The following PRELID2 variants were observed in gnomAD, a reference collection of about 807,000 sequenced individuals.
PRELID2 encodes the protein PRELI domain containing 2.
Under a neutral mutation model 28.4 loss-of-function variants are expected in PRELID2, and 25 were observed. The ratio of observed to expected loss-of-function variants is 0.88; its 90% CI spans 0.64 to 1.23. The LOEUF is 1.23. Among genes scored for constraint, PRELID2 ranks in the 50% most tolerant of loss-of-function variants. The pLI is 0.00. For missense variants in PRELID2, 201 were observed against 214.4 expected (o/e 0.94, Z 0.39); for synonymous variants, 76 against 71.6 (o/e 1.06, Z -0.31).
intron 1 of PRELID2, among the ~76,000 whole-genome samples, chr5:145,500,165 A>G (rs1682295550): frequency 6.6e-6 from 1 of 152,180 alleles, no homozygotes; most frequent in Non-Finnish European, 1.5e-5. Flanking sequence ...TGGAATTATA[A>G]TGCCCAGTGT....
At chr5:145,814,746 C>T (rs1754183149) in intron 4 of PRELID2, among the ~76,000 whole-genome samples, 1 of 151,694 alleles carries the variant, frequency 6.6e-6, no homozygotes, top group African/African-American at 2.4e-5. Flanking sequence ...TTCACAGCAA[C>T]CACAGTTCAC....
intron 4 of PRELID2, among the ~76,000 whole-genome samples, chr5:145,810,622 T>G (rs979743894): frequency 1.3e-5 from 2 of 152,234 alleles, no homozygotes; most frequent in Non-Finnish European, 2.9e-5. Context: ...TGTTTCTATA[T>G]TAAATACATT....
chr5:145,278,463 A>G, the PRELID2 span, among the ~76,000 whole-genome samples: 463 of 152,176 alleles, frequency 3.0e-3, 1 homozygote, highest in African/African-American at 0.011. Context: ...CAGGATGAGG[A>G]CCTCAGATTT....
chr5:145,437,609 A>G, the PRELID2 span, among the ~76,000 whole-genome samples: 1 of 152,110 alleles, frequency 6.6e-6, no homozygotes, highest in East Asian at 1.9e-4. Context: ...CTTTAGCTCA[A>G]AGGACACATA....
At chr5:145,320,121 T>C in the PRELID2 span, among the ~76,000 whole-genome samples, 1 of 152,254 alleles carries the variant, frequency 6.6e-6, no homozygotes, top group Admixed American at 6.5e-5. Flanking sequence ...CTGTTCCATT[T>C]AGTCTGGCTA....
the PRELID2 span, among the ~76,000 whole-genome samples, chr5:145,281,010 A>G: frequency 2.6e-5 from 4 of 152,262 alleles, no homozygotes; most frequent in East Asian, 7.7e-4. Context: ...TCAAATGTTG[A>G]AATCAGAATT....
intron 1 of PRELID2, among the ~76,000 whole-genome samples, chr5:145,710,779 TA>T (rs1425603933): frequency 6.6e-6 from 1 of 152,178 alleles, no homozygotes; most frequent in African/African-American, 2.4e-5. Flanking sequence ...GAATAAGGGA[TA>T]AAAAAGAAGG....
the PRELID2 span, among the ~76,000 whole-genome samples, chr5:145,388,355 TGAAAACATG>T: frequency 6.6e-6 from 1 of 152,210 alleles, no homozygotes; most frequent in Non-Finnish European, 1.5e-5. Flanking sequence ...AGGTAGCAAG[TGAAAACATG>T]GAAACACTGT....
the PRELID2 span, among the ~76,000 whole-genome samples, chr5:145,313,607 G>C: frequency 1.7e-4 from 26 of 152,172 alleles, no homozygotes; most frequent in Non-Finnish European, 3.2e-4. Flanking sequence ...GGCAGCAGAC[G>C]GACTGGAAGG....
intron 1 of PRELID2, among the ~76,000 whole-genome samples, chr5:145,520,424 C>A (rs1752553958): frequency 6.6e-6 from 1 of 152,172 alleles, no homozygotes; most frequent in Non-Finnish European, 1.5e-5. Context: ...TCTCATCTTG[C>A]ACCTCTCTCC....
At chr5:145,726,507 T>C (rs1756170572) in intron 1 of PRELID2, among the ~76,000 whole-genome samples, 1 of 152,018 alleles carries the variant, frequency 6.6e-6, no homozygotes, top group East Asian at 1.9e-4. Flanking sequence ...TTCCTGGAGA[T>C]GGATGAATAG....
At chr5:145,403,361 G>T in the PRELID2 span, among the ~76,000 whole-genome samples, 2 of 152,100 alleles carry the variant, frequency 1.3e-5, no homozygotes, top group East Asian at 3.9e-4. Flanking sequence ...AACATAGTGA[G>T]ACCCCATTTC....
At chr5:145,766,410 G>A (rs747493147) in intron 5 of PRELID2, among the ~76,000 whole-genome samples, 2 of 152,144 alleles carry the variant, frequency 1.3e-5, no homozygotes, top group Non-Finnish European at 2.9e-5. Flanking sequence ...CAGGAAAAAG[G>A]CAGGGACTTC....
intron 1 of PRELID2, among the ~76,000 whole-genome samples, chr5:145,635,922 C>A (rs1431923075): frequency 6.6e-6 from 1 of 152,196 alleles, no homozygotes; most frequent in Non-Finnish European, 1.5e-5. Flanking sequence ...TACACATTTA[C>A]AAATTCATAT....
chr5:145,392,922 TCAAA>T, the PRELID2 span, among the ~76,000 whole-genome samples: 2 of 152,218 alleles, frequency 1.3e-5, no homozygotes, highest in Non-Finnish European at 2.9e-5. Context: ...TATTTTGTCC[TCAAA>T]CACTTTGTTT....
At chr5:145,291,359 AAAG>A in the PRELID2 span, among the ~76,000 whole-genome samples, 1 of 150,414 alleles carries the variant, frequency 6.6e-6, no homozygotes, top group Non-Finnish European at 1.5e-5. Context: ...AAAAAAAAAA[AAAG>A]GAGAGGGGTA....
At chr5:145,230,871 A>G in the PRELID2 span, among the ~76,000 whole-genome samples, 1 of 152,206 alleles carries the variant, frequency 6.6e-6, no homozygotes, top group Non-Finnish European at 1.5e-5. Flanking sequence ...TGTTGGTGGC[A>G]GGCCGCAGTT....
the PRELID2 span, among the ~76,000 whole-genome samples, chr5:145,411,229 T>G: frequency 2.0e-5 from 3 of 152,112 alleles, no homozygotes; most frequent in Non-Finnish European, 4.4e-5. Context: ...CTTACGTGGA[T>G]GACAGCAGGC....
At chr5:145,314,685 T>C in the PRELID2 span, among the ~76,000 whole-genome samples, 2 of 152,050 alleles carry the variant, frequency 1.3e-5, no homozygotes, top group African/African-American at 2.4e-5. Context: ...TAGTTTTCAT[T>C]ATTTTTCTGT....
Sources: allele counts gnomAD v4.1 joint callset (sites outside exome capture counted in the v4.1 genomes callset), GRCh38; gene constraint gnomAD v4.1.1; transcripts MANE v1.5; gene names NCBI Gene and HGNC (gene_info 2026-07-23, HGNC 2026-07-21).